STON2: variants seen among roughly 807,000 people sequenced by gnomAD.
STON2 encodes stonin-2.
A neutral mutation model predicts 65.7 loss-of-function variants in STON2; 29 were observed. The observed-to-expected ratio is 0.44, with a 90% CI of 0.33 to 0.60. The LOEUF (loss-of-function observed/expected upper bound fraction) is 0.60. Among genes scored for constraint, STON2 ranks in the 20% least tolerant of loss-of-function variants. The pLI, the probability that STON2 is intolerant of heterozygous loss-of-function variation, is 0.03. For synonymous variants in STON2, 404 were observed against 414.2 expected, an observed-to-expected ratio of 0.98 and a Z score of 0.30; for missense variants, 1,054 against 1,118.1, an observed-to-expected ratio of 0.94 and a Z score of 0.82.
In STON2 at chr14:81,267,793, A is replaced by C. The variant is rs899099302; in HGVS notation, c.*621T>G. On this transcript the variant is annotated 3_prime_UTR_variant, in exon 8 of 8. Coordinates refer to ENST00000614646, the MANE Select transcript of STON2 (RefSeq NM_001394390.1). ...CTCAGGATAGCAAATCCTGTGACTGAAACCTTAGAGAGATGGAAAAAGTGT... is the reference window on the plus strand; with the variant it reads ...CTCAGGATAGCAAATCCTGTGACTGCAACCTTAGAGAGATGGAAAAAGTGT... The C allele has an allele frequency of 1.4e-5, 14 of 985,442 alleles. No homozygotes were observed. Among genetic ancestry groups the C allele is most frequent in the African/African-American group, 1.7e-5 (1 of 57,356 alleles). The allele number at this position is 985,442 out of a possible 1,614,324, so 61.0% of individuals were successfully genotyped here. A position where few individuals can be genotyped will look rare whatever the true frequency, so the allele number is the denominator to read the frequency against.
At chr14:81,309,739 C>G (rs983393193) in intron 5 of STON2, among the ~76,000 whole-genome samples, 1 of 152,222 alleles carries the variant, frequency 6.6e-6, no homozygotes, top group Non-Finnish European at 1.5e-5. Context: ...ACCATTCTTT[C>G]TGTCATCATT....
chr14:81,332,010 G>T (rs1897233967), intron 4 of STON2, among the ~76,000 whole-genome samples: 1 of 152,158 alleles, frequency 6.6e-6, no homozygotes, highest in Admixed American at 6.5e-5. Context: ...AATAAAATGG[G>T]TCATAAACAT....
At chr14:81,409,667 G>A (rs1272743344) in intron 2 of STON2, among the ~76,000 whole-genome samples, 1 of 152,086 alleles carries the variant, frequency 6.6e-6, no homozygotes, top group Non-Finnish European at 1.5e-5. Flanking sequence ...CTAGATCAAG[G>A]TCACAGAGCT....
intron 3 of STON2, among the ~76,000 whole-genome samples, chr14:81,384,595 C>T (rs2140405093): frequency 6.6e-6 from 1 of 152,232 alleles, no homozygotes; most frequent in East Asian, 1.9e-4. Flanking sequence ...CCTCCCTGTC[C>T]CCCCGCAGAA....
chr14:81,429,126 C>T lies in STON2; in HGVS notation c.-309-1914G>A, dbSNP rs532326600. On this transcript the variant is annotated intron_variant, in intron 1 of 8. Transcript: ENST00000553821. ...AATTAACAAGGACCCTTTGGGGTCA[C>T]AGCTGAGAGCCCCCATGGGGCATAA... Among the ~76,000 whole-genome samples the T allele has an allele frequency of 4.6e-5, 7 of 152,344 alleles. No individual in the cohort carries two copies. In the South Asian group the frequency reaches 1.4e-3, roughly 32 times the overall value.
intron 2 of STON2, among the ~76,000 whole-genome samples, chr14:81,422,969 A>C (rs1480075306): frequency 6.6e-6 from 1 of 151,616 alleles, no homozygotes; most frequent in Admixed American, 6.6e-5. Context: ...CTGGAGGCGG[A>C]GGTTGCAGTG....
At chr14:81,318,114 C>A (rs1303868348) in intron 5 of STON2, among the ~76,000 whole-genome samples, 1 of 151,448 alleles carries the variant, frequency 6.6e-6, no homozygotes, top group African/African-American at 2.4e-5. Context: ...TACAGGCGTG[C>A]ACCACCATGC....
chr14:81,262,332 T>C lies in STON2; in HGVS notation c.*6082A>G. 1 of 985,476 alleles carries C rather than the reference T, an allele frequency of 1.0e-6. No homozygotes were observed. Among genetic ancestry groups the C allele is most frequent in the Non-Finnish European group, 1.2e-6 (1 of 829,934 alleles). 61.0% of individuals were successfully genotyped at this position (985,476 alleles called of 1,614,324 possible). On this transcript the variant is annotated 3_prime_UTR_variant, in exon 8 of 8. Coordinates refer to ENST00000614646, the MANE Select transcript of STON2 (RefSeq NM_001394390.1). Reference sequence around the variant, plus strand: ...CCTCAATGTCCTCGTGTCTAGCCTTTCCTCCCTTTAGGGAAGCTGGCTGCT... The same window carrying C: ...CCTCAATGTCCTCGTGTCTAGCCTTCCCTCCCTTTAGGGAAGCTGGCTGCT...
In STON2 at chr14:81,277,873, G is replaced by A. The variant is rs766985197; in HGVS notation, c.1609C>T (p.His537Tyr). 4 of 1,614,190 alleles carry A rather than the reference G, an allele frequency of 2.5e-6. No individual in the cohort carries two copies. Among genetic ancestry groups the A allele is most frequent in the Non-Finnish European group, 3.4e-6 (4 of 1,180,044 alleles). ...PFREFKLEIC[H>Y]EISEPRLQNY... ...TGAAGCCGGGGTTCTGAAATCTCAT[G>A]ACAGATCTCCAGCTTGAACTCACGG... Residue 537 changes from histidine (H) to tyrosine (Y), a missense_variant, in exon 6 of 8, where the codon CAT becomes TAT. By Grantham distance (83) the His-to-Tyr change is moderately conservative. Transcript: ENST00000614646.
Position 81,310,979 on chromosome 14 carries a change from G to A in STON2, c.742+13038C>T, listed in dbSNP as rs372167847. On this transcript the variant is annotated intron_variant, in intron 5 of 7. Transcript: ENST00000614646. ...TCTCTGTCTTCTATGGTGAGTCAAC[G>A]GGTGCCACTGATATCCCTCGAGTAC... Among the ~76,000 whole-genome samples, 6 of 152,066 alleles carry A rather than the reference G, an allele frequency of 3.9e-5. No individual in the cohort carries two copies. In the East Asian group the frequency reaches 5.8e-4, roughly 15 times the overall value.
At chr14:81,367,131 T>C (rs377632301) in intron 4 of STON2, among the ~76,000 whole-genome samples, 8 of 152,012 alleles carry the variant, frequency 5.3e-5, no homozygotes, top group African/African-American at 1.7e-4. Context: ...TTCCAATGTG[T>C]ACAGATATCC....
At chr14:81,395,700 T>C in intron 3 of STON2, 194 bp downstream of exon 3, 1 of 605,538 alleles carries the variant, frequency 1.7e-6, no homozygotes, top group Non-Finnish European at 2.9e-6. Flanking sequence ...ACATACATTC[T>C]TTTGTATGCT....
intron 5 of STON2, among the ~76,000 whole-genome samples, chr14:81,294,553 T>C (rs1370284217): frequency 6.6e-6 from 1 of 152,242 alleles, no homozygotes; most frequent in African/African-American, 2.4e-5. Flanking sequence ...AGTACTTACC[T>C]CTTACATTGT....
At chr14:81,403,313 T>C (rs967911829), upstream of STON2, among the ~76,000 whole-genome samples, 1 of 152,224 alleles carries the variant, frequency 6.6e-6, no homozygotes, top group African/African-American at 2.4e-5. Context: ...TTATGCCAAG[T>C]GGCAATCACT....
intron 5 of STON2, among the ~76,000 whole-genome samples, chr14:81,299,884 A>AT (rs34221546): frequency 0.29 from 42,533 of 149,096 alleles, 6,251 homozygotes; most frequent in African/African-American, 0.37. Flanking sequence ...TGGAAAAAAA[A>AT]TTTTTTTTTT....
rs58782661 is a variant in STON2 at position 81,371,676 on chromosome 14, T to TCAAAAAA, written c.374-492_374-491insTTTTTTG. Among the ~76,000 whole-genome samples the TCAAAAAA allele has an allele frequency of 5.2e-4, 51 of 97,670 alleles. 4 individuals are homozygous for TCAAAAAA. Among genetic ancestry groups the TCAAAAAA allele is most frequent in the Middle Eastern group, 5.5e-3 (1 of 182 alleles). The allele number at this position is 97,670 out of a possible 152,430, so 64.1% of individuals were successfully genotyped here. ...ACAACAGAATGAATGAGACTGAGTC[T>TCAAAAAA]AAAAAAAAAAAAAAAGAAAAGAAAA... On this transcript the variant is annotated intron_variant, in intron 3 of 7. Coordinates refer to ENST00000614646, the MANE Select transcript of STON2 (RefSeq NM_001394390.1).
At chr14:81,290,090 G>C (rs1179939596) in intron 5 of STON2, among the ~76,000 whole-genome samples, 1 of 152,148 alleles carries the variant, frequency 6.6e-6, no homozygotes, top group Non-Finnish European at 1.5e-5. Context: ...CTGCAGAGCT[G>C]GTCCTCATCA....
At chr14:81,356,764 C>T (rs565998481) in intron 4 of STON2, among the ~76,000 whole-genome samples, 41 of 152,044 alleles carry the variant, frequency 2.7e-4, no homozygotes, top group African/African-American at 8.4e-4. Flanking sequence ...GGAATTTATC[C>T]ATTTCTTCTA....
chr14:81,385,054 G>T (rs1308623636), intron 3 of STON2, among the ~76,000 whole-genome samples: 1 of 152,114 alleles, frequency 6.6e-6, no homozygotes, highest in African/African-American at 2.4e-5. Context: ...TTCAACGTGG[G>T]GAGAGCAGGG....
Sources: gnomAD v4.1 joint callset for allele counts (sites outside exome capture counted in the v4.1 genomes callset) on GRCh38, gnomAD v4.1.1 for gene constraint, MANE v1.5 for transcripts, NCBI Gene and HGNC (gene_info 2026-07-23, HGNC 2026-07-21) for gene names.